Variants in CA10 observed in about 807,000 individuals in gnomAD.
CA10 encodes the protein carbonic anhydrase 10 (inactive).
A neutral mutation model predicts 44.2 loss-of-function variants in CA10; 14 were observed. That is an observed-to-expected ratio of 0.32 (90% confidence interval 0.21 to 0.50). The LOEUF (loss-of-function observed/expected upper bound fraction) is 0.50, where lower values mean the gene tolerates loss of function less well. Among genes scored for constraint, CA10 ranks in the 20% least tolerant of loss-of-function variants. CA10 has a pLI of 0.99. For synonymous variants in CA10, 159 were observed against 141.6 expected (o/e 1.12, Z -0.87); for missense variants, 350 against 409.7 (o/e 0.85, Z 1.26).
At chr17:51,642,807 T>G (rs1184430973) in intron 6 of CA10, among the ~76,000 whole-genome samples, 1 of 152,120 alleles carries the variant, frequency 6.6e-6, no homozygotes, top group East Asian at 1.9e-4. Context: ...CATGCCCAGC[T>G]AATTTTTGTA....
chr17:51,773,556 T>C (rs998832827), intron 3 of CA10, among the ~76,000 whole-genome samples: 1 of 152,182 alleles, frequency 6.6e-6, no homozygotes, highest in African/African-American at 2.4e-5. Flanking sequence ...ATTGCTCAGG[T>C]CTAAATCTTG....
chr17:51,748,555 A>T, intron 3 of CA10: 11 of 192,100 alleles, frequency 5.7e-5, no homozygotes, highest in Middle Eastern at 3.1e-3. Flanking sequence ...GACCTCAACA[A>T]CAATTGATTC....
intron 3 of CA10, among the ~76,000 whole-genome samples, chr17:51,915,422 CAAATT>C (rs1431225682): frequency 5.9e-5 from 9 of 152,272 alleles, no homozygotes; most frequent in Middle Eastern, 6.8e-3. Context: ...TATTAAAAGT[CAAATT>C]AAAGTTCTCA....
chr17:51,634,699 ACATT>A (rs750050010), intron 7 of CA10, among the ~76,000 whole-genome samples: 205 of 152,328 alleles, frequency 1.3e-3, no homozygotes, highest in Admixed American at 4.0e-3. Context: ...AAAACACTGC[ACATT>A]CAAATATGTG....
intron 4 of CA10, among the ~76,000 whole-genome samples, chr17:51,661,015 G>A (rs911353319): frequency 2.6e-5 from 4 of 151,940 alleles, no homozygotes; most frequent in African/African-American, 4.8e-5. Context: ...CAGCTCAAGG[G>A]TCACCTGTTG....
intron 1 of CA10, among the ~76,000 whole-genome samples, chr17:52,088,653 T>A (rs1342062475): frequency 6.6e-6 from 1 of 152,178 alleles, no homozygotes; most frequent in Admixed American, 6.6e-5. Flanking sequence ...AGTTAATCTT[T>A]CAAGGAACAA....
chr17:51,665,075 A>G (rs1453521532), intron 4 of CA10, among the ~76,000 whole-genome samples: 2 of 152,204 alleles, frequency 1.3e-5, no homozygotes, highest in Non-Finnish European at 2.9e-5. Context: ...CCTAACTGAT[A>G]TATTCATGGA....
intron 4 of CA10, among the ~76,000 whole-genome samples, chr17:51,688,659 T>A (rs1915087417): frequency 6.6e-6 from 1 of 152,236 alleles, no homozygotes; most frequent in African/African-American, 2.4e-5. Context: ...TGCAGTACCA[T>A]CTTCTATGCC....
chr17:51,726,606 C>G (rs1305680596), intron 4 of CA10, among the ~76,000 whole-genome samples: 1 of 152,096 alleles, frequency 6.6e-6, no homozygotes, highest in East Asian at 1.9e-4. Flanking sequence ...ATAAAAAAAT[C>G]TGTAGCATTA....
intron 3 of CA10, among the ~76,000 whole-genome samples, chr17:51,915,985 C>T (rs941149638): frequency 1.1e-4 from 17 of 151,856 alleles, no homozygotes; most frequent in African/African-American, 3.9e-4. Context: ...AAAAACCTTA[C>T]CTTTTAGATT....
intron 3 of CA10, among the ~76,000 whole-genome samples, chr17:51,927,878 T>C (rs945802239): frequency 1.3e-5 from 2 of 152,186 alleles, no homozygotes; most frequent in African/African-American, 4.8e-5. Context: ...TAAGTTAATT[T>C]AGTAGCTTTA....
intron 3 of CA10, among the ~76,000 whole-genome samples, chr17:51,847,524 C>T (rs1186844619): frequency 6.6e-6 from 1 of 152,102 alleles, no homozygotes; most frequent in African/African-American, 2.4e-5. Context: ...TAACGCATAT[C>T]ATCTAATTCC....
chr17:51,725,751 C>A (rs1916494381), intron 4 of CA10, among the ~76,000 whole-genome samples: 1 of 152,194 alleles, frequency 6.6e-6, no homozygotes, highest in Non-Finnish European at 1.5e-5. Context: ...GAGTAGAAGG[C>A]AGATGTTCAC....
intron 1 of CA10, among the ~76,000 whole-genome samples, chr17:52,135,532 A>G (rs1989337214): frequency 6.6e-6 from 1 of 151,986 alleles, no homozygotes; most frequent in South Asian, 2.1e-4. Flanking sequence ...GACTCCTCCT[A>G]TAGCTTATTA....
At chr17:51,929,746 G>T (rs1982576557) in intron 3 of CA10, among the ~76,000 whole-genome samples, 1 of 152,032 alleles carries the variant, frequency 6.6e-6, no homozygotes. Context: ...GCCATGACAA[G>T]CTCCTTGCAG....
At position 51,901,286 on chromosome 17, in the gene CA10, G is replaced by A. The variant is rs904507809; in HGVS notation, c.279+29704C>T. The stretch of plus-strand genomic sequence containing the variant: ...TTCTGGAATATTTTAGGGGGCAAAG[G>A]CTCAGCTTAGTATTTCTGGGCTGTA... On this transcript the variant is annotated intron_variant, in intron 3 of 8. Coordinates refer to ENST00000451037, the MANE Select transcript of CA10 (RefSeq NM_020178.5). Among the ~76,000 whole-genome samples, 9 of 152,100 alleles carry A rather than the reference G, an allele frequency of 5.9e-5. No homozygotes were observed. In the East Asian group the frequency reaches 1.7e-3, roughly 29 times the overall value.
At chr17:51,982,407 A>G (rs1326799248) in intron 2 of CA10, among the ~76,000 whole-genome samples, 1 of 151,896 alleles carries the variant, frequency 6.6e-6, no homozygotes, top group Non-Finnish European at 1.5e-5. Flanking sequence ...ATATTCTGTC[A>G]CTTATGATGG....
At chr17:51,697,318 C>T (rs1045021355) in intron 4 of CA10, among the ~76,000 whole-genome samples, 2 of 152,208 alleles carry the variant, frequency 1.3e-5, no homozygotes, top group African/African-American at 4.8e-5. Context: ...CCCTACAGCA[C>T]ATTTCTTTCC....
intron 4 of CA10, among the ~76,000 whole-genome samples, chr17:51,691,038 T>A (rs182523431): frequency 1.4e-4 from 21 of 152,344 alleles, no homozygotes; most frequent in African/African-American, 5.1e-4. Flanking sequence ...GCAACAAATA[T>A]GGGATGCAGA....
Sources: gnomAD v4.1 joint callset for allele counts (sites outside exome capture counted in the v4.1 genomes callset) on GRCh38, gnomAD v4.1.1 for gene constraint, MANE v1.5 for transcripts, NCBI Gene and HGNC (gene_info 2026-07-23, HGNC 2026-07-21) for gene names.